The following CTNND2 variants were observed in gnomAD, a reference collection of about 807,000 sequenced individuals.
CTNND2 encodes catenin delta 2.
In CTNND2, 22 loss-of-function variants were observed where a neutral mutation model predicts 144.4. The observed-to-expected ratio is 0.15, with a 90% CI of 0.11 to 0.22. The LOEUF (loss-of-function observed/expected upper bound fraction) is 0.22. CTNND2 is among the 10% of genes least tolerant of loss of function. The probability of loss-of-function intolerance (pLI) is 1.00; values close to 1 mark genes in which losing one functional copy is unlikely to be tolerated. For missense variants in CTNND2, 1,353 were observed against 1,618.8 expected (o/e 0.84, Z 2.82); for synonymous variants, 751 against 695.6 (o/e 1.08, Z -1.25).
intron 2 of CTNND2, among the ~76,000 whole-genome samples, chr5:11,635,887 T>G (rs2126484583): frequency 6.6e-6 from 1 of 152,212 alleles, no homozygotes; most frequent in East Asian, 1.9e-4. Flanking sequence ...CTCCTACTCT[T>G]TAATGCCAGC....
intron 1 of CTNND2, among the ~76,000 whole-genome samples, chr5:11,761,425 G>A (rs1789255610): frequency 6.6e-6 from 1 of 152,152 alleles, no homozygotes; most frequent in African/African-American, 2.4e-5. Context: ...TTGAACAGAG[G>A]ATTAAAGTTC....
At chr5:11,059,006 A>G (rs955830661) in intron 16 of CTNND2, among the ~76,000 whole-genome samples, 11 of 152,166 alleles carry the variant, frequency 7.2e-5, no homozygotes, top group African/African-American at 2.7e-4. Context: ...GTATCTAGGA[A>G]GTAACTAGCT....
At chr5:11,788,792 T>C (rs982718942) in intron 1 of CTNND2, among the ~76,000 whole-genome samples, 1 of 152,010 alleles carries the variant, frequency 6.6e-6, no homozygotes, top group African/African-American at 2.4e-5. Flanking sequence ...ACTCGTCATT[T>C]ACATTAGGTA....
chr5:11,481,374 C>A (rs1193035189), intron 3 of CTNND2, among the ~76,000 whole-genome samples: 1 of 152,162 alleles, frequency 6.6e-6, no homozygotes, highest in Non-Finnish European at 1.5e-5. Flanking sequence ...GCTCTATCAG[C>A]CAGCATTTTA....
chr5:11,350,228 T>C (rs1411632299), intron 8 of CTNND2, among the ~76,000 whole-genome samples: 1 of 152,168 alleles, frequency 6.6e-6, no homozygotes, highest in African/African-American at 2.4e-5. Flanking sequence ...AACATTATAC[T>C]GAAAAACATA....
intron 9 of CTNND2, among the ~76,000 whole-genome samples, chr5:11,342,008 T>A (rs1487789871): frequency 6.6e-6 from 1 of 152,136 alleles, no homozygotes; most frequent in Non-Finnish European, 1.5e-5. Context: ...AAACCTTGTC[T>A]CAAAAAATAA....
At chr5:11,410,360 G>A (rs1172624063) in intron 5 of CTNND2, among the ~76,000 whole-genome samples, 1 of 152,120 alleles carries the variant, frequency 6.6e-6, no homozygotes, top group Admixed American at 6.5e-5. Context: ...TAGAGAAAAT[G>A]AGCTAATCTG....
chr5:11,768,729 T>C (rs1789744492), intron 1 of CTNND2, among the ~76,000 whole-genome samples: 1 of 152,114 alleles, frequency 6.6e-6, no homozygotes, highest in African/African-American at 2.4e-5. Flanking sequence ...CTACCTGCAA[T>C]CATTTGTGAG....
chr5:11,408,682 A>G (rs891829066), intron 5 of CTNND2, among the ~76,000 whole-genome samples: 1 of 152,134 alleles, frequency 6.6e-6, no homozygotes, highest in Non-Finnish European at 1.5e-5. Context: ...GTTACCAAAT[A>G]TATGTGGAAA....
intron 9 of CTNND2, among the ~76,000 whole-genome samples, chr5:11,303,205 G>C (rs1438955008): frequency 6.6e-6 from 1 of 152,214 alleles, no homozygotes; most frequent in Non-Finnish European, 1.5e-5. Context: ...CTGAATTCTA[G>C]CTTGGTGTTT....
intron 9 of CTNND2, among the ~76,000 whole-genome samples, chr5:11,241,716 T>C (rs1269729115): frequency 1.3e-5 from 2 of 152,248 alleles, no homozygotes; most frequent in African/African-American, 4.8e-5. Flanking sequence ...TTCTTTTTGC[T>C]GATCATGGAG....
rs1321653632 is a variant in CTNND2, at chr5:11,030,686, TA to T, written c.2789-7708del. 6.6e-5 allele frequency among the ~76,000 whole-genome samples: 10 copies of T among 151,858 alleles called. No individual in the cohort carries two copies. The South Asian group carries it at 2.1e-3, about 32-fold the overall frequency. ...CTTCCTTTAATTCTTTGAACATCTT[TA>T]AAACAGTTGTTTTAAAGTCTTTGTC... On this transcript the variant is annotated intron_variant, in intron 16 of 21. Coordinates refer to ENST00000304623, the MANE Select transcript of CTNND2 (RefSeq NM_001332.4).
chr5:11,658,243 T>C (rs1286971631), intron 2 of CTNND2, among the ~76,000 whole-genome samples: 2 of 151,976 alleles, frequency 1.3e-5, no homozygotes, highest in Admixed American at 6.6e-5. Context: ...CTTGTATGCA[T>C]GTGTGTGTGT....
rs1314389703 is a variant in CTNND2 at position 11,578,604 on chromosome 5, TGA to T, written c.175-13550_175-13549del. On this transcript the variant is annotated intron_variant, in intron 2 of 21. Transcript: ENST00000304623. ...TGAACTCGGGAGGCAGAGGTTGCAGTGAGCTGAGATCGTGCCACTGCACTCCA... is the reference window on the plus strand; with the variant it reads ...TGAACTCGGGAGGCAGAGGTTGCAGTGCTGAGATCGTGCCACTGCACTCCA... Among the ~76,000 whole-genome samples the T allele has an allele frequency of 5.3e-5, 8 of 151,950 alleles. No individual in the cohort carries two copies. The South Asian group carries it at 1.5e-3, about 28-fold the overall frequency.
At chr5:11,025,081 T>C (rs1742677651) in intron 16 of CTNND2, among the ~76,000 whole-genome samples, 5 of 152,152 alleles carry the variant, frequency 3.3e-5, no homozygotes, top group Admixed American at 2.6e-4. Flanking sequence ...CCAATATAGG[T>C]TACTGACATT....
intron 2 of CTNND2, among the ~76,000 whole-genome samples, chr5:11,610,566 A>G (rs1780268032): frequency 6.6e-6 from 1 of 152,176 alleles, no homozygotes; most frequent in African/African-American, 2.4e-5. Context: ...CCACCGTCCA[A>G]TAAGACACTC....
intron 12 of CTNND2, among the ~76,000 whole-genome samples, chr5:11,130,705 AC>A (rs1299677796): frequency 8.5e-5 from 13 of 152,132 alleles, no homozygotes; most frequent in African/African-American, 2.4e-4. Flanking sequence ...AACTTGCAGT[AC>A]TTGGGGAATG....
At chr5:11,804,553 C>T (rs1374359089) in intron 1 of CTNND2, among the ~76,000 whole-genome samples, 3 of 152,108 alleles carry the variant, frequency 2.0e-5, no homozygotes, top group Non-Finnish European at 4.4e-5. Context: ...CATGAAAAGA[C>T]ATGGCTTAAA....
intron 9 of CTNND2, among the ~76,000 whole-genome samples, chr5:11,283,544 C>G (rs1254282286): frequency 1.3e-5 from 2 of 151,482 alleles, no homozygotes; most frequent in Non-Finnish European, 1.5e-5. Flanking sequence ...TGTGGTGGCA[C>G]CTGCCTGTAG....
Sources: allele counts gnomAD v4.1 joint callset (sites outside exome capture counted in the v4.1 genomes callset), GRCh38; gene constraint gnomAD v4.1.1; transcripts MANE v1.5; gene names NCBI Gene and HGNC (gene_info 2026-07-23, HGNC 2026-07-21).